SV2B: variants seen among roughly 807,000 people sequenced by gnomAD.
SV2B encodes synaptic vesicle glycoprotein 2B, also known as solute carrier family 22 member B2.
In SV2B, 41 loss-of-function variants were observed where a neutral mutation model predicts 73.9. The observed-to-expected ratio is 0.56, with a 90% CI of 0.43 to 0.72. The LOEUF is 0.72. Ranked by LOEUF, SV2B falls within the 30% of genes least tolerant of loss-of-function variation. SV2B has a pLI of 0.00. For missense variants in SV2B, 764 were observed against 857.8 expected (o/e 0.89, Z 1.37); for synonymous variants, 314 against 314.2 (o/e 1.00, Z 0.01).
At chr15:91,237,623 T>C (rs2046838739) in intron 2 of SV2B, among the ~76,000 whole-genome samples, 2 of 152,242 alleles carry the variant, frequency 1.3e-5, no homozygotes, top group African/African-American at 4.8e-5. Flanking sequence ...GAGAACCACG[T>C]AGTTTATACA....
At position 91,139,969 on chromosome 15, in the gene SV2B, C is replaced by T. The variant is rs530797236; in HGVS notation, c.-392+39606C>T. ...GCCCAGATCATTTGGAAATTGGGCTCATGCTCTGGGTCAATGATTCTCAAA... is the reference window on the plus strand; with the variant it reads ...GCCCAGATCATTTGGAAATTGGGCTTATGCTCTGGGTCAATGATTCTCAAA... On this transcript the variant is annotated intron_variant, in intron 1 of 12. Transcript: ENST00000394232. This position sits in a 1 kb window ranked among gnomAD's most constrained non-coding sequence, Gnocchi z 5.2. 6.6e-6 allele frequency among the ~76,000 whole-genome samples: 1 copy of T among 152,334 alleles called. No homozygotes were observed. The highest frequency in any genetic ancestry group is 6.5e-5 in the Admixed American group (1 of 15,308).
In SV2B at chr15:91,240,104, G is replaced by T. The variant is rs1054922835; in HGVS notation, c.452-11715G>T. ...CAAAAGCCAGGGTTCCCTTAGCAAG[G>T]AAGAAGAGGGAAAAGGGCTGTTGGG... On this transcript the variant is annotated intron_variant, in intron 2 of 12. Coordinates refer to ENST00000394232, the MANE Select transcript of SV2B (RefSeq NM_001323032.3). The surrounding 1 kb of genome is among the most constrained non-coding windows in gnomAD (Gnocchi z 4.6). Among the ~76,000 whole-genome samples the T allele has an allele frequency of 2.0e-5, 3 of 152,194 alleles. No homozygotes were observed. The highest frequency in any genetic ancestry group is 2.0e-4 in the Admixed American group (3 of 15,282).
intron 12 of SV2B, 112 bp from the exon 13 acceptor site, chr15:91,292,257 A>G: frequency 9.5e-7 from 1 of 1,053,738 alleles, no homozygotes; most frequent in Non-Finnish European, 1.3e-6. Context: ...ATATTTAGGA[A>G]AAAAAACTCC....
intron 1 of SV2B, among the ~76,000 whole-genome samples, chr15:91,199,432 G>T (rs752135567): frequency 1.3e-5 from 2 of 152,178 alleles, no homozygotes; most frequent in African/African-American, 4.8e-5. Context: ...CAAACAACAC[G>T]AGGTCTCCTT....
rs184795055 is a variant in SV2B, at chr15:91,117,285, A to G, written c.-392+16922A>G. Among the ~76,000 whole-genome samples, 133 of 152,360 alleles carry G rather than the reference A, an allele frequency of 8.7e-4. 3 individuals carry two copies. Among genetic ancestry groups the G allele is most frequent in the Middle Eastern group, 6.8e-3 (2 of 294 alleles). ...TCCTAACCTGTAAAACAAGGATAAT[A>G]TTAACGAGAATTCTATCTTACACAC... On this transcript the variant is annotated intron_variant, in intron 1 of 12. Coordinates refer to ENST00000394232, the MANE Select transcript of SV2B (RefSeq NM_001323032.3).
intron 1 of SV2B, among the ~76,000 whole-genome samples, chr15:91,195,154 A>T (rs1319723507): frequency 6.6e-6 from 1 of 152,054 alleles, no homozygotes; most frequent in Non-Finnish European, 1.5e-5. Context: ...TGAGCATGTC[A>T]TGTAAACTAT....
intron 1 of SV2B, among the ~76,000 whole-genome samples, chr15:91,168,257 C>T (rs1288916242): frequency 6.6e-6 from 1 of 150,570 alleles, no homozygotes; most frequent in Admixed American, 6.6e-5. Flanking sequence ...CACAGTTCCA[C>T]ACTTTTTGTG....
chr15:91,117,255 C>T (rs1204815066), intron 1 of SV2B, among the ~76,000 whole-genome samples: 2 of 152,182 alleles, frequency 1.3e-5, no homozygotes, highest in Non-Finnish European at 2.9e-5. Flanking sequence ...CTCTGCACCT[C>T]AGTTTCCTAA....
intron 1 of SV2B, among the ~76,000 whole-genome samples, chr15:91,120,017 C>T (rs957860606): frequency 6.6e-6 from 1 of 152,218 alleles, no homozygotes; most frequent in Non-Finnish European, 1.5e-5. Flanking sequence ...GAAATATTCT[C>T]ATAAGTGTTG....
chr15:91,282,541 A>AT (rs987015053), intron 10 of SV2B, among the ~76,000 whole-genome samples: 43 of 151,566 alleles, frequency 2.8e-4, no homozygotes, highest in African/African-American at 5.6e-4. Flanking sequence ...GAAATGTACT[A>AT]TTTTTTTTTA....
intron 1 of SV2B, among the ~76,000 whole-genome samples, chr15:91,116,838 A>G (rs1255199327): frequency 6.6e-6 from 1 of 152,254 alleles, no homozygotes; most frequent in Non-Finnish European, 1.5e-5. Context: ...GGAGGAAGGC[A>G]AAGGAAGGGC....
chr15:91,157,607 A>C (rs1178849075), intron 1 of SV2B, among the ~76,000 whole-genome samples: 1 of 152,232 alleles, frequency 6.6e-6, no homozygotes, highest in Non-Finnish European at 1.5e-5. Context: ...TATTTCTCAC[A>C]ACAACACTGT....
In SV2B at chr15:91,144,645, A is replaced by G. The variant is rs151102588; in HGVS notation, c.-392+44282A>G. Among the ~76,000 whole-genome samples, 813 of 152,320 alleles carry G rather than the reference A, an allele frequency of 5.3e-3. 5 individuals carry two copies. Among genetic ancestry groups the G allele is most frequent in the African/African-American group, 0.018 (769 of 41,580 alleles). On this transcript the variant is annotated intron_variant, in intron 1 of 12. Coordinates refer to ENST00000394232, the MANE Select transcript of SV2B (RefSeq NM_001323032.3). ...CTTGCTGAGTTTGTGGCCAGCTCAG[A>G]GGCATTGACCACCAAACCATTTGCA...
chr15:91,113,048 T>A (rs188608890), intron 1 of SV2B, among the ~76,000 whole-genome samples: 3 of 152,194 alleles, frequency 2.0e-5, no homozygotes, highest in Non-Finnish European at 2.9e-5. Context: ...CCCAGACTAG[T>A]CCTGAATTCC....
rs144208809 is a variant in SV2B, at chr15:91,109,560, CT to C, written c.-392+9198del. Among the ~76,000 whole-genome samples, 471 of 152,260 alleles carry C rather than the reference CT, an allele frequency of 3.1e-3. 2 individuals are homozygous for C. The highest frequency in any genetic ancestry group is 0.011 in the African/African-American group (457 of 41,552). On this transcript the variant is annotated intron_variant, in intron 1 of 12. Coordinates refer to ENST00000394232, the MANE Select transcript of SV2B (RefSeq NM_001323032.3). The stretch of plus-strand genomic sequence containing the variant: ...ATAAATGAGCTGTCTATCATTACCC[CT>C]GAGTGAGCGTGATTTGTTTTAATGA...
intron 1 of SV2B, among the ~76,000 whole-genome samples, chr15:91,147,711 C>A (rs925307173): frequency 6.6e-6 from 1 of 152,094 alleles, no homozygotes; most frequent in African/African-American, 2.4e-5. Context: ...ACATGCAAGA[C>A]TCATTACTTG....
rs1342458562 is a variant in SV2B at position 91,223,191 on chromosome 15, T to G, written c.-391-2682T>G. ...ATTGGATTAGGAGCCATCCGAATGA[T>G]CTCATCTTAACTTGATTACCTCTGG... On this transcript the variant is annotated intron_variant, in intron 1 of 12. Transcript: ENST00000394232. This position sits in a 1 kb window ranked among gnomAD's most constrained non-coding sequence, Gnocchi z 4.6. 6.6e-6 allele frequency among the ~76,000 whole-genome samples: 1 copy of G among 152,226 alleles called. No individual in the cohort carries two copies. Among genetic ancestry groups the G allele is most frequent in the African/African-American group, 2.4e-5 (1 of 41,462 alleles).
rs79534947 is a variant in SV2B, at chr15:91,137,082, C to A, written c.-392+36719C>A. 6.6e-6 allele frequency among the ~76,000 whole-genome samples: 1 copy of A among 152,054 alleles called. No homozygotes were observed. Among genetic ancestry groups the A allele is most frequent in the African/African-American group, 2.4e-5 (1 of 41,390 alleles). On this transcript the variant is annotated intron_variant, in intron 1 of 12. Transcript: ENST00000394232. The surrounding 1 kb of genome is among the most constrained non-coding windows in gnomAD (Gnocchi z 4.9). ...TTGTAAACCAGTTATTGGGGTGACT[C>A]GTAAGAAGCAGGCAGTCACTGAGCC... is the stretch of plus-strand genomic sequence containing the variant.
At position 91,139,182 on chromosome 15, in the gene SV2B, A is replaced by G. The variant is rs1351873672; in HGVS notation, c.-392+38819A>G. 6.6e-6 allele frequency among the ~76,000 whole-genome samples: 1 copy of G among 152,180 alleles called. No individual in the cohort carries two copies. Among genetic ancestry groups the G allele is most frequent in the Admixed American group, 6.5e-5 (1 of 15,282 alleles). On this transcript the variant is annotated intron_variant, in intron 1 of 12. Transcript: ENST00000394232. The surrounding 1 kb of genome is among the most constrained non-coding windows in gnomAD (Gnocchi z 5.2). ...GTTGGGCTGTGCTTCACAATCATCC[A>G]ATGGTGGTGTGAAGGGAAGGAGGTT...
Sources: allele counts gnomAD v4.1 joint callset (sites outside exome capture counted in the v4.1 genomes callset), GRCh38; gene constraint gnomAD v4.1.1; non-coding constraint Gnocchi (gnomAD v3.1); transcripts MANE v1.5; gene names NCBI Gene and HGNC (gene_info 2026-07-23, HGNC 2026-07-21).